The following TBL1XR1 variants were observed in gnomAD, a reference collection of about 807,000 sequenced individuals.
The protein encoded by TBL1XR1 is F-box-like/WD repeat-containing protein TBL1XR1.
Under a neutral mutation model 66.9 loss-of-function variants are expected in TBL1XR1, and 5 were observed. The observed-to-expected ratio is 0.07, with a 90% CI of 0.04 to 0.16. The LOEUF is 0.16. Among genes scored for constraint, TBL1XR1 ranks in the 10% least tolerant of loss-of-function variants. The pLI, the probability that TBL1XR1 is intolerant of heterozygous loss-of-function variation, is 1.00. For synonymous variants in TBL1XR1, 210 were observed against 206.0 expected, an observed-to-expected ratio of 1.02 and a Z score of -0.17; for missense variants, 238 against 623.2, an observed-to-expected ratio of 0.38 and a Z score of 6.58.
chr3:177,029,302 C>T (rs1011187818), intron 14 of TBL1XR1, among the ~76,000 whole-genome samples: 2 of 152,006 alleles, frequency 1.3e-5, no homozygotes, highest in Admixed American at 6.6e-5. Context: ...AAGATAAATA[C>T]ATCTAAACAT....
chr3:177,021,392 C>T lies in TBL1XR1; in HGVS notation c.*4106G>A, dbSNP rs2108359386. 1 of 152,426 alleles carries T rather than the reference C, an allele frequency of 6.6e-6. No homozygotes were observed. The highest frequency in any genetic ancestry group is 6.6e-5 in the Admixed American group (1 of 15,264). The allele number at this position is 152,426 out of a possible 1,614,324, so 9.4% of individuals were successfully genotyped here. On this transcript the variant is annotated 3_prime_UTR_variant, in exon 16 of 16. Transcript: ENST00000457928. ...TTACAAAAAAAAAAAAAATATATGC[C>T]CTAGTTATTCACCCTGCTTCAACAC...
At chr3:177,103,636 A>ACT (rs1724508256) in intron 1 of TBL1XR1, among the ~76,000 whole-genome samples, 1 of 152,206 alleles carries the variant, frequency 6.6e-6, no homozygotes, top group Non-Finnish European at 1.5e-5. Context: ...TATTTAATTT[A>ACT]TAGATAACTT....
intron 13 of TBL1XR1, among the ~76,000 whole-genome samples, chr3:177,033,444 CCTCT>C (rs1200869180): frequency 2.0e-5 from 3 of 152,266 alleles, no homozygotes; most frequent in African/African-American, 7.2e-5. Context: ...TTACTGTATT[CCTCT>C]CTGTCTAAAT....
At chr3:177,154,604 C>G (rs1349248595) in intron 1 of TBL1XR1, among the ~76,000 whole-genome samples, 1 of 152,018 alleles carries the variant, frequency 6.6e-6, no homozygotes, top group East Asian at 1.9e-4. Flanking sequence ...GCCATGTTGG[C>G]CAGGCTGGTC....
intron 1 of TBL1XR1, among the ~76,000 whole-genome samples, chr3:177,162,777 C>T (rs1732379788): frequency 6.6e-6 from 1 of 152,082 alleles, no homozygotes; most frequent in Admixed American, 6.5e-5. Flanking sequence ...AATAAAAGTC[C>T]GCTAAGAAGA....
At chr3:177,145,147 A>T (rs1037682398) in intron 1 of TBL1XR1, among the ~76,000 whole-genome samples, 1 of 152,220 alleles carries the variant, frequency 6.6e-6, no homozygotes, top group African/African-American at 2.4e-5. Context: ...GGAACCTTGG[A>T]AAGTCCCTAA....
chr3:177,100,400 CTCA>C (rs1468457068), intron 1 of TBL1XR1, among the ~76,000 whole-genome samples: 1 of 151,900 alleles, frequency 6.6e-6, no homozygotes, highest in Non-Finnish European at 1.5e-5. Flanking sequence ...TAGAGCAAAG[CTCA>C]TCAACACCAA....
intron 2 of TBL1XR1, among the ~76,000 whole-genome samples, chr3:177,068,730 G>A (rs1013398353): frequency 2.0e-5 from 3 of 152,008 alleles, no homozygotes; most frequent in Non-Finnish European, 2.9e-5. Context: ...TTCCATTCTT[G>A]AAGCCAGGGC....
chr3:177,094,817 G>C (rs964821971), intron 2 of TBL1XR1, among the ~76,000 whole-genome samples: 6 of 152,004 alleles, frequency 3.9e-5, no homozygotes, highest in African/African-American at 1.2e-4. Flanking sequence ...TGTGGACTAG[G>C]GGGAAAGGGT....
intron 1 of TBL1XR1, among the ~76,000 whole-genome samples, chr3:177,121,484 TCA>T (rs1726968024): frequency 1.3e-5 from 2 of 152,200 alleles, no homozygotes. Context: ...CAATTTGACT[TCA>T]CACGCATCTT....
intron 1 of TBL1XR1, among the ~76,000 whole-genome samples, chr3:177,109,686 G>GATTTT (rs1725315209): frequency 6.6e-6 from 1 of 151,918 alleles, no homozygotes; most frequent in Non-Finnish European, 1.5e-5. Flanking sequence ...AATTCCAGCA[G>GATTTT]AATTTTGATT....
rs71170852 is a variant in TBL1XR1, at chr3:177,112,107, ATTTTTTT to A, written c.-121-13573_-121-13567del. ...TATATATATATATATATATATATAT[ATTTTTTT>A]TTTTTTTTTTTGTGAGGGGCTCTGA... On this transcript the variant is annotated intron_variant, in intron 1 of 15. Transcript: ENST00000457928. Among the ~76,000 whole-genome samples, 9 of 37,650 alleles carry A rather than the reference ATTTTTTT, an allele frequency of 2.4e-4. No homozygotes were observed. In the East Asian group the frequency reaches 5.3e-3, roughly 22 times the overall value. 24.7% of individuals were successfully genotyped at this position (37,650 alleles called of 152,430 possible). A position where few individuals can be genotyped will look rare whatever the true frequency, so the allele number is the denominator to read the frequency against.
chr3:177,051,328 A>G (rs1049213887), intron 5 of TBL1XR1, among the ~76,000 whole-genome samples, 176 bp downstream of exon 5: 10 of 152,092 alleles, frequency 6.6e-5, no homozygotes, highest in African/African-American at 2.2e-4. Flanking sequence ...GAGGATCAGA[A>G]AAAATAACTA....
intron 1 of TBL1XR1, among the ~76,000 whole-genome samples, chr3:177,155,205 G>C (rs1034267112): frequency 2.0e-5 from 3 of 152,064 alleles, no homozygotes; most frequent in African/African-American, 7.2e-5. Flanking sequence ...ATTAAACAAA[G>C]AAAGCGCTAA....
At chr3:177,111,217 A>G (rs551085254) in intron 1 of TBL1XR1, among the ~76,000 whole-genome samples, 81 of 152,234 alleles carry the variant, frequency 5.3e-4, no homozygotes, top group African/African-American at 1.9e-3. Context: ...AAACGATACA[A>G]AAGTTACCCT....
At chr3:177,139,445 G>C (rs1729372864) in intron 1 of TBL1XR1, among the ~76,000 whole-genome samples, 1 of 151,864 alleles carries the variant, frequency 6.6e-6, no homozygotes, top group African/African-American at 2.4e-5. Flanking sequence ...TGAGGCAGGA[G>C]AATCGCTTGA....
chr3:177,109,029 T>C (rs1725232262), intron 1 of TBL1XR1, among the ~76,000 whole-genome samples: 1 of 152,212 alleles, frequency 6.6e-6, no homozygotes, highest in Non-Finnish European at 1.5e-5. Flanking sequence ...ACTTCTATAA[T>C]AGAGATGAAA....
chr3:177,139,549 A>C (rs1432014549), intron 1 of TBL1XR1, among the ~76,000 whole-genome samples: 1 of 152,026 alleles, frequency 6.6e-6, no homozygotes, highest in East Asian at 1.9e-4. Context: ...GGAAAAAAAA[A>C]AATTAAAGCA....
chr3:177,112,898 G>A (rs540702176), intron 1 of TBL1XR1, among the ~76,000 whole-genome samples: 1 of 152,198 alleles, frequency 6.6e-6, no homozygotes, highest in South Asian at 2.1e-4. Context: ...AGCTACTCGG[G>A]AGGCTGAGGC....
Sources: gnomAD v4.1 joint callset for allele counts (sites outside exome capture counted in the v4.1 genomes callset) on GRCh38, gnomAD v4.1.1 for gene constraint, MANE v1.5 for transcripts, NCBI Gene and HGNC (gene_info 2026-07-23, HGNC 2026-07-21) for gene names.